FBXW11: variants seen among roughly 807,000 people sequenced by gnomAD.
The protein encoded by FBXW11 is F-box/WD repeat-containing protein 11.
In FBXW11, 19 loss-of-function variants were observed where a neutral mutation model predicts 77.6. The observed-to-expected ratio is 0.24, with a 90% CI of 0.17 to 0.36. The LOEUF (loss-of-function observed/expected upper bound fraction) is 0.36, where lower values mean the gene tolerates loss of function less well. Ranked by LOEUF, FBXW11 falls within the 10% of genes least tolerant of loss-of-function variation. The pLI is 1.00. For synonymous variants in FBXW11, 235 were observed against 249.4 expected, an observed-to-expected ratio of 0.94 and a Z score of 0.54; for missense variants, 334 against 704.2, an observed-to-expected ratio of 0.47 and a Z score of 5.95.
chr5:171,968,263 C>T (rs563760625), intron 1 of FBXW11, among the ~76,000 whole-genome samples: 13 of 151,802 alleles, frequency 8.6e-5, no homozygotes, highest in Admixed American at 5.3e-4. Flanking sequence ...GAGACCATCC[C>T]GGCTAACACG....
At chr5:171,987,176 A>G (rs1006432732) in intron 1 of FBXW11, among the ~76,000 whole-genome samples, 3 of 152,178 alleles carry the variant, frequency 2.0e-5, no homozygotes, top group Non-Finnish European at 4.4e-5. Context: ...CCTGGTGCCA[A>G]AAAGGTTGGA....
intron 2 of FBXW11, among the ~76,000 whole-genome samples, chr5:171,932,390 C>T (rs1762255566): frequency 6.6e-6 from 1 of 152,084 alleles, no homozygotes; most frequent in African/African-American, 2.4e-5. Flanking sequence ...AATGCAAACA[C>T]CATGAAATGC....
At chr5:171,883,759 T>C (rs1758690440) in intron 7 of FBXW11, among the ~76,000 whole-genome samples, 1 of 152,204 alleles carries the variant, frequency 6.6e-6, no homozygotes, top group Admixed American at 6.5e-5. Context: ...TTTTCCTGTG[T>C]TGAGCATTTT....
intron 1 of FBXW11, among the ~76,000 whole-genome samples, chr5:172,000,396 T>C (rs1766342141): frequency 6.6e-6 from 1 of 152,206 alleles, no homozygotes; most frequent in Non-Finnish European, 1.5e-5. Context: ...CTCTCTGTAG[T>C]TACAGCATAG....
chr5:171,900,102 T>G lies in FBXW11; in HGVS notation c.437-2A>C. 2 of 1,594,148 alleles carry G rather than the reference T, an allele frequency of 1.3e-6. No homozygotes were observed. Among genetic ancestry groups the G allele is most frequent in the Non-Finnish European group, 1.7e-6 (2 of 1,169,266 alleles). ...CTGCTATGTGATCTAAGCCTTGCTCTACAAAACAGAAAAGGGAATGAAGGA... is the reference window on the plus strand; with the variant it reads ...CTGCTATGTGATCTAAGCCTTGCTCGACAAAACAGAAAAGGGAATGAAGGA... On this transcript the variant is annotated splice_acceptor_variant, in intron 4 of 13. Coordinates refer to ENST00000517395, the MANE Select transcript of FBXW11 (RefSeq NM_001378974.1). LOFTEE classifies it high-confidence loss of function.
At chr5:171,980,092 C>T (rs1295748890) in intron 1 of FBXW11, among the ~76,000 whole-genome samples, 2 of 152,096 alleles carry the variant, frequency 1.3e-5, no homozygotes, top group Non-Finnish European at 2.9e-5. Flanking sequence ...TATAAGCATG[C>T]CAGGGCAAAT....
At chr5:171,868,876 T>G (rs1236881994) in intron 12 of FBXW11, 80 bp from the exon 13 acceptor site, 1 of 1,363,952 alleles carries the variant, frequency 7.3e-7, no homozygotes, top group East Asian at 2.5e-5. Flanking sequence ...GGGCAGAAGA[T>G]GAAAATGCAG....
At chr5:171,970,813 G>C (rs531904487) in intron 1 of FBXW11, among the ~76,000 whole-genome samples, 1 of 152,276 alleles carries the variant, frequency 6.6e-6, no homozygotes, top group South Asian at 2.1e-4. Context: ...TCTTCATATA[G>C]TTCATTGTTC....
At position 171,863,261 on chromosome 5, in the gene FBXW11, C is replaced by T. The variant is rs1254831583; in HGVS notation, c.*866G>A. ...AGGTATCAGGTTCTTGAGCCCAGCC[C>T]ATGGCTAAGTGCGAACACACTCTGT... is the stretch of plus-strand genomic sequence containing the variant. On this transcript the variant is annotated 3_prime_UTR_variant, in exon 14 of 14. Transcript: ENST00000517395. 1 of 152,752 alleles carries T rather than the reference C, an allele frequency of 6.5e-6. No individual in the cohort carries two copies. The highest frequency in any genetic ancestry group is 1.5e-5 in the Non-Finnish European group (1 of 68,062). 9.5% of individuals were successfully genotyped at this position (152,752 alleles called of 1,614,324 possible).
chr5:171,983,608 C>T (rs992287005), intron 1 of FBXW11, among the ~76,000 whole-genome samples: 1 of 152,148 alleles, frequency 6.6e-6, no homozygotes, highest in Non-Finnish European at 1.5e-5. Flanking sequence ...CGCTGCAGAA[C>T]TGATTGCTCA....
intron 1 of FBXW11, chr5:171,977,887 G>A: frequency 9.5e-6 from 2 of 211,326 alleles, no homozygotes; most frequent in South Asian, 1.1e-4. Flanking sequence ...TGAAATATGG[G>A]TAGGGATACA....
chr5:171,943,933 G>A (rs914463733), intron 2 of FBXW11, among the ~76,000 whole-genome samples: 1 of 152,128 alleles, frequency 6.6e-6, no homozygotes, highest in African/African-American at 2.4e-5. Context: ...ATAATGAGAC[G>A]TAAACACTCC....
chr5:171,992,445 GGAGA>G (rs142539171), intron 1 of FBXW11, among the ~76,000 whole-genome samples: 7 of 148,270 alleles, frequency 4.7e-5, no homozygotes, highest in South Asian at 2.1e-4. Flanking sequence ...AGAGAAAGGG[GGAGA>G]GAGAGAGAGA....
At chr5:171,973,278 T>C (rs975514231) in intron 1 of FBXW11, among the ~76,000 whole-genome samples, 2 of 151,990 alleles carry the variant, frequency 1.3e-5, no homozygotes, top group African/African-American at 4.8e-5. Context: ...ACAGAACAAA[T>C]AAGCAACCTA....
chr5:171,883,202 G>A (rs1264845481), intron 7 of FBXW11, among the ~76,000 whole-genome samples: 2 of 152,186 alleles, frequency 1.3e-5, no homozygotes, highest in African/African-American at 4.8e-5. Flanking sequence ...GGGCATTTGG[G>A]TTGGTTCCAC....
chr5:171,956,156 AAT>A (rs1330767955), intron 2 of FBXW11, among the ~76,000 whole-genome samples: 3 of 152,228 alleles, frequency 2.0e-5, no homozygotes, highest in Non-Finnish European at 2.9e-5. Context: ...AATCCAGAAA[AAT>A]AGAGACAAAA....
rs1192423853 is a variant in FBXW11 at position 171,863,719 on chromosome 5, TGAA to T, written c.*405_*407del. ...AGGTGTTTGGCACCCAAAATTTCAC[TGAA>T]GAAGAATGCTGTTTCTTAATATCAA... On this transcript the variant is annotated 3_prime_UTR_variant, in exon 14 of 14. Coordinates refer to ENST00000517395, the MANE Select transcript of FBXW11 (RefSeq NM_001378974.1). The T allele has an allele frequency of 6.6e-6, 1 of 152,664 alleles. No homozygotes were observed. Among genetic ancestry groups the T allele is most frequent in the East Asian group, 1.9e-4 (1 of 5,200 alleles). 9.5% of individuals were successfully genotyped at this position (152,664 alleles called of 1,614,324 possible).
At chr5:171,865,940 G>A (rs1360287034) in intron 13 of FBXW11, among the ~76,000 whole-genome samples, 6 of 152,138 alleles carry the variant, frequency 3.9e-5, no homozygotes. Context: ...GGTATCACAT[G>A]GCTATAATTT....
At chr5:171,868,327 A>G (rs1413645030) in intron 13 of FBXW11, among the ~76,000 whole-genome samples, 1 of 152,134 alleles carries the variant, frequency 6.6e-6, no homozygotes, top group Non-Finnish European at 1.5e-5. Context: ...TACTGGTGTT[A>G]AATTGATTAT....
Sources: allele counts gnomAD v4.1 joint callset (sites outside exome capture counted in the v4.1 genomes callset), GRCh38; gene constraint gnomAD v4.1.1; transcripts MANE v1.5; gene names NCBI Gene and HGNC (gene_info 2026-07-23, HGNC 2026-07-21).